Variants in AARS2 observed in about 807,000 individuals in gnomAD.
AARS2 encodes alanine--tRNA ligase, mitochondrial.
In AARS2, 78 loss-of-function variants were observed where a neutral mutation model predicts 119.7. The ratio of observed to expected loss-of-function variants is 0.65; its 90% confidence interval spans 0.54 to 0.79. The LOEUF (loss-of-function observed/expected upper bound fraction) is 0.79. Ranked by LOEUF, AARS2 falls within the 30% of genes least tolerant of loss-of-function variation. The pLI is 0.00. For synonymous variants in AARS2, 502 were observed against 526.3 expected, an observed-to-expected ratio of 0.95 and a Z score of 0.63; for missense variants, 1,157 against 1,291.3, an observed-to-expected ratio of 0.90 and a Z score of 1.59.
chr6:44,304,543 G>C lies in AARS2; in HGVS notation c.1753-10C>G, dbSNP rs757427721. On this transcript the variant is annotated splice_polypyrimidine_tract_variant and intron_variant, in intron 12 of 21. Transcript: ENST00000244571. ...CTGGGAACAGCACGTCCTGAGGGAG[G>C]GTAGTGGTCAAGGTGCCTGTAGCCT... 11 of 1,614,088 alleles carry C rather than the reference G, an allele frequency of 6.8e-6. No individual in the cohort carries two copies. Among genetic ancestry groups the C allele is most frequent in the Non-Finnish European group, 9.3e-6 (11 of 1,179,978 alleles).
intron 16 of AARS2, 46 bp from the exon 17 acceptor site, chr6:44,302,956 GA>G (rs1561937915): frequency 1.2e-6 from 2 of 1,604,738 alleles, no homozygotes; most frequent in Non-Finnish European, 1.7e-6. Context: ...TGACAGTAGA[GA>G]AGGGAGAAGC....
Position 44,305,160 on chromosome 6 carries a change from T to A in AARS2, c.1473A>T (p.Gly491=). The A allele has an allele frequency of 6.2e-7, 1 of 1,613,520 alleles. No individual in the cohort carries two copies. The highest frequency in any genetic ancestry group is 8.5e-7 in the Non-Finnish European group (1 of 1,180,018). ...CAAGCGCATGGACATCAAGCCACAA[T>A]CCCTGCTTCTGAACTGGCTCAGCCT... ...ARQAEPVQKQ[G]LWLDVHALGE... is the part of the protein sequence containing the mutation. Residue 491 remains glycine, a synonymous_variant, in exon 11 of 22, where the codon GGA becomes GGT. Coordinates refer to ENST00000244571, the MANE Select transcript of AARS2 (RefSeq NM_020745.4). This position sits in a 1 kb window ranked among gnomAD's most constrained non-coding sequence, Gnocchi z 4.6.
Position 44,301,177 on chromosome 6 carries a change from C to T in AARS2, c.2772G>A (p.Leu924=), listed in dbSNP as rs1785321535. The stretch of plus-strand genomic sequence containing the variant: ...TCACCTGGGCCACCTGACAGGCACA[C>T]AGCACCTTCCCCATGGGCTGGGGGC... The part of the protein sequence containing the change: ...LLSPQPMGKV[L]CACQVAQGAM... The change falls in exon 21 of 22, where the codon CTG becomes CTA. Residue 924 remains leucine, a synonymous_variant. Transcript: ENST00000244571. 3 of 1,613,516 alleles carry T rather than the reference C, an allele frequency of 1.9e-6. No individual in the cohort carries two copies. Among genetic ancestry groups the T allele is most frequent in the Non-Finnish European group, 1.7e-6 (2 of 1,179,916 alleles).
rs78525157 is a variant in AARS2 at position 44,304,645 on chromosome 6, C to T, written c.1752G>A (p.Glu584=). Residue 584 remains glutamate (E), a splice_region_variant and synonymous_variant, in exon 12 of 22, where the codon GAG becomes GAA. Transcript: ENST00000244571. The part of the protein sequence containing the change: ...DRGYLVRAGQ[E]DVLFPVARAQ... Reference sequence around the variant, plus strand: ...AGCCTGGGTTGTGATGGAGACTCACCTCTTGCCCTGCCCGCACCAGGTAGC... The same window carrying T: ...AGCCTGGGTTGTGATGGAGACTCACTTCTTGCCCTGCCCGCACCAGGTAGC... 11,436 of 1,614,218 alleles carry T rather than the reference C, an allele frequency of 7.1e-3. 108 individuals carry two copies. Among genetic ancestry groups the T allele is most frequent in the Middle Eastern group, 0.049 (300 of 6,062 alleles).
chr6:44,311,193 C>G, intron 3 of AARS2, 32 bp from the exon 4 acceptor site: 1 of 1,613,594 alleles, frequency 6.2e-7, no homozygotes, highest in Non-Finnish European at 8.5e-7. Context: ...TGGTGGGAGA[C>G]AGACAGACCC....
In AARS2 at chr6:44,300,249, G is replaced by C. The variant is rs1785253684; in HGVS notation, c.*298C>G. 3 of 454,174 alleles carry C rather than the reference G, an allele frequency of 6.6e-6. No individual in the cohort carries two copies. In the Admixed American group the frequency reaches 1.0e-4, roughly 16 times the overall value. The allele number at this position is 454,174 out of a possible 1,614,324, so 28.1% of individuals were successfully genotyped here. A position where few individuals can be genotyped will look rare whatever the true frequency, so the allele number is the denominator to read the frequency against. The stretch of plus-strand genomic sequence containing the variant: ...CTGCCTCGGCCTCCCAAAGTGCTTG[G>C]ATTACAGGTGTGAACCACCACACCC... On this transcript the variant is annotated 3_prime_UTR_variant, in exon 22 of 22. Transcript: ENST00000244571.
rs1435938226 is a variant in AARS2 at position 44,311,423 on chromosome 6, T to A, written c.548A>T (p.Asp183Val). 2 of 1,614,028 alleles carry A rather than the reference T, an allele frequency of 1.2e-6. No individual in the cohort carries two copies. Among genetic ancestry groups the A allele is most frequent in the Non-Finnish European group, 1.7e-6 (2 of 1,180,036 alleles). Residue 183 changes from aspartate (D) to valine (V), a missense_variant, in exon 3 of 22, where the codon GAC (aspartate) becomes GTC (valine). Asp to Val is a radical substitution (Grantham distance 152). Coordinates refer to ENST00000244571, the MANE Select transcript of AARS2 (RefSeq NM_020745.4). ...DGDPKAGLDP[D>V]LETRDIWLSL... ...CAGCCAGATGTCCCTGGTCTCCAGG[T>A]CTGGGTCCAGCCCTGCCTTGGGGTC... is the stretch of plus-strand genomic sequence containing the variant.
chr6:44,301,426 C>T lies in AARS2; in HGVS notation c.2637G>A (p.Ser879=), dbSNP rs553135120. 2.5e-6 allele frequency: 4 copies of T among 1,613,908 alleles called. No individual in the cohort carries two copies. The highest frequency in any genetic ancestry group is 1.3e-5 in the African/African-American group (1 of 75,026). ...KKTQELLERH[S]KGPLIVDTVS... ...CTGTGTCCACAATCAGAGGCCCCTT[C>T]GAGTGCCGCTCCAGCAGCTCCTGAG... The change falls in exon 20 of 22, where the codon TCG becomes TCA. Residue 879 remains serine (S), a synonymous_variant. Transcript: ENST00000244571.
chr6:44,300,652 C>T lies in AARS2; in HGVS notation c.2853G>A (p.Gly951=), dbSNP rs1785277769. ...CCACTCGTGAGCCCCACGCCTTGCC[C>T]CCCATGTGGCTGCACACTGCCAGTG... ...AWALAVCSHM[G]GKAWGSRVVA... Residue 951 remains glycine, a synonymous_variant, in exon 22 of 22, where the codon GGG becomes GGA. Transcript: ENST00000244571. 3.7e-6 allele frequency: 6 copies of T among 1,613,860 alleles called. No individual in the cohort carries two copies. The South Asian group carries it at 4.4e-5, about 12-fold the overall frequency.
rs863223862 is a variant in AARS2, at chr6:44,307,020, C to T, written c.1052G>A (p.Arg351His). 8.1e-6 allele frequency: 13 copies of T among 1,614,082 alleles called. No homozygotes were observed. Among genetic ancestry groups the T allele is most frequent in the African/African-American group, 6.7e-5 (5 of 74,996 alleles). ...ACGCACAGCTCGACGCAGGATCCGA[C>T]GAAGAACCAGCCTAAAGGGGTTCAG... ...PGMSGPPLVL[R>H]RILRRAVRFS... Residue 351 changes from arginine to histidine, a missense_variant, in exon 7 of 22, where the codon CGT (arginine) becomes CAT (histidine). Coordinates refer to ENST00000244571, the MANE Select transcript of AARS2 (RefSeq NM_020745.4). The surrounding 1 kb of genome is among the most constrained non-coding windows in gnomAD (Gnocchi z 4.4).
At position 44,300,492 on chromosome 6, in the gene AARS2, C is replaced by T; in HGVS notation, c.*55G>A. The T allele has an allele frequency of 1.2e-6, 2 of 1,612,202 alleles. No individual in the cohort carries two copies. Among genetic ancestry groups the T allele is most frequent in the South Asian group, 2.2e-5 (2 of 91,050 alleles). On this transcript the variant is annotated 3_prime_UTR_variant, in exon 22 of 22. Transcript: ENST00000244571. ...GCATGTGGGAAGGTTCTGCTGGCTC[C>T]TTCAGGGCTCCTGGCATTGCCTTTA... is the stretch of plus-strand genomic sequence containing the variant.
In AARS2 at chr6:44,301,191, T is replaced by C. The variant is rs955602308; in HGVS notation, c.2758A>G (p.Met920Val). Residue 920 changes from methionine to valine, a missense_variant, in exon 21 of 22, where the codon ATG (methionine) becomes GTG (valine). Physicochemically the swap from Met to Val is conservative, Grantham distance 21. Coordinates refer to ENST00000244571, the MANE Select transcript of AARS2 (RefSeq NM_020745.4). ...TSVLLLSPQP[M>V]GKVLCACQVA... ...TGACAGGCACACAGCACCTTCCCCA[T>C]GGGCTGGGGGCTGAGTAGGAGCACA... is the stretch of plus-strand genomic sequence containing the variant. 2.5e-6 allele frequency: 4 copies of C among 1,613,670 alleles called. No homozygotes were observed. The highest frequency in any genetic ancestry group is 2.2e-5 in the East Asian group (1 of 44,838).
chr6:44,302,410 T>C lies in AARS2; in HGVS notation c.2468A>G (p.Asp823Gly), dbSNP rs1251798587. Residue 823 changes from aspartate (D) to glycine (G), a missense_variant, in exon 18 of 22, where the codon GAC becomes GGC. Asp to Gly is a moderately conservative substitution (Grantham distance 94). Coordinates refer to ENST00000244571, the MANE Select transcript of AARS2 (RefSeq NM_020745.4). ...DVAEALRLSKDIGRLIEAVET... is the reference protein window; with the variant it reads ...DVAEALRLSKGIGRLIEAVET... ...CCTCACTTCAATGAGTCGTCCTATG[T>C]CCTTGGACAGCCTCAGTGCCTCCGC... The C allele has an allele frequency of 6.2e-7, 1 of 1,613,946 alleles. No individual in the cohort carries two copies. Among genetic ancestry groups the C allele is most frequent in the African/African-American group, 1.3e-5 (1 of 74,898 alleles).
At chr6:44,310,039 T>G (rs1413144561) in intron 5 of AARS2, among the ~76,000 whole-genome samples, 2 of 152,238 alleles carry the variant, frequency 1.3e-5, no homozygotes, top group African/African-American at 4.8e-5. Context: ...CTGTGTCTTC[T>G]GTACCAAACA....
rs989638120 is a variant in AARS2 at position 44,299,861 on chromosome 6, C to G, written c.*686G>C. On this transcript the variant is annotated 3_prime_UTR_variant, in exon 22 of 22. Transcript: ENST00000244571. ...CGAACACTCATGGCAATGAAGATGG[C>G]CCGATTTGGATCCTGGGTGGCCTTT... 6.5e-6 allele frequency: 1 copy of G among 152,814 alleles called. No homozygotes were observed. The highest frequency in any genetic ancestry group is 1.5e-5 in the Non-Finnish European group (1 of 68,570). The allele number at this position is 152,814 out of a possible 1,614,324, so 9.5% of individuals were successfully genotyped here. A position where few individuals can be genotyped will look rare whatever the true frequency, so the allele number is the denominator to read the frequency against.
chr6:44,307,660 A>T lies in AARS2; in HGVS notation c.895-266T>A. On this transcript the variant is annotated intron_variant, in intron 5 of 21. Transcript: ENST00000244571. This position sits in a 1 kb window ranked among gnomAD's most constrained non-coding sequence, Gnocchi z 4.4. The stretch of plus-strand genomic sequence containing the variant: ...AGAACTGGGTGAGTACTTGAACAAC[A>T]TGGCCTCGAATCCCCAAAACAGCCC... The T allele has an allele frequency of 5.5e-6, 3 of 547,086 alleles. No homozygotes were observed. Among genetic ancestry groups the T allele is most frequent in the Non-Finnish European group, 9.8e-6 (3 of 304,796 alleles). The allele number at this position is 547,086 out of a possible 1,614,324, so 33.9% of individuals were successfully genotyped here. A position where few individuals can be genotyped will look rare whatever the true frequency, so the allele number is the denominator to read the frequency against.
chr6:44,311,236 C>G (rs1285176387), intron 3 of AARS2, 75 bp from the exon 4 acceptor site: 94 of 1,604,752 alleles, frequency 5.9e-5, no homozygotes, highest in Non-Finnish European at 7.8e-5. Flanking sequence ...ATGAGAGCCC[C>G]TCCCTCAAGT....
chr6:44,303,103 C>G lies in AARS2; in HGVS notation c.2218G>C (p.Ala740Pro), dbSNP rs755023355. ...AGCTCCACAGAGGTCTGCAGTGCGG[C>G]TTGGGAGGCTGGGTCCAATGCATGG... ...VAHALDPASQ[A>P]ALQTSVELCC... is the part of the protein sequence containing the mutation. The change falls in exon 16 of 22, where the codon GCC (alanine) becomes CCC (proline). Residue 740 changes from alanine to proline, a missense_variant. Transcript: ENST00000244571. 2 of 1,613,996 alleles carry G rather than the reference C, an allele frequency of 1.2e-6. No homozygotes were observed. The highest frequency in any genetic ancestry group is 1.7e-6 in the Non-Finnish European group (2 of 1,180,050).
At position 44,304,183 on chromosome 6, in the gene AARS2, G is replaced by T. The variant is rs781702000; in HGVS notation, c.2005C>A (p.Gln669Lys). The T allele has an allele frequency of 9.3e-6, 15 of 1,613,460 alleles. No individual in the cohort carries two copies. Among genetic ancestry groups the T allele is most frequent in the Middle Eastern group, 1.8e-4 (1 of 5,542 alleles). The part of the protein sequence containing the change: ...PEQLRLDVTT[Q>K]TPLTPEQLRA... ...CTGTCTTTCTATGCCGGGCTCACCT[G>T]GGTGGTCACATCCAAGCGCAGCTGC... The change falls in exon 14 of 22, where the codon CAG (glutamine) becomes AAG (lysine). Residue 669 changes from glutamine (Q) to lysine (K), a missense_variant and splice_region_variant. By Grantham distance (53) the Gln-to-Lys change is moderately conservative (BLOSUM62 1). Transcript: ENST00000244571.
Sources: allele counts gnomAD v4.1 joint callset (sites outside exome capture counted in the v4.1 genomes callset), GRCh38; gene constraint gnomAD v4.1.1; non-coding constraint Gnocchi (gnomAD v3.1); transcripts MANE v1.5; gene names NCBI Gene and HGNC (gene_info 2026-07-23, HGNC 2026-07-21).